The following TNFAIP8 variants were observed in gnomAD, a reference collection of about 807,000 sequenced individuals.
TNFAIP8 encodes TNF alpha induced protein 8.
In TNFAIP8, 7 loss-of-function variants were observed where a neutral mutation model predicts 13.3. The observed-to-expected ratio is 0.52, with a 90% confidence interval of 0.30 to 0.99. The LOEUF is 0.99. Ranked by LOEUF, TNFAIP8 falls within the 50% of genes least tolerant of loss-of-function variation. The pLI, the probability that TNFAIP8 is intolerant of heterozygous loss-of-function variation, is 0.07. For synonymous variants in TNFAIP8, 94 were observed against 87.6 expected (o/e 1.07, Z -0.41); for missense variants, 258 against 236.9 (o/e 1.09, Z -0.58).
chr5:119,325,384 C>T (rs1434617321), intron 1 of TNFAIP8, among the ~76,000 whole-genome samples: 2 of 152,202 alleles, frequency 1.3e-5, no homozygotes, highest in Non-Finnish European at 2.9e-5. Context: ...CCTATATGGT[C>T]TACATATTCT....
intron 1 of TNFAIP8, among the ~76,000 whole-genome samples, chr5:119,382,791 C>T (rs555134114): frequency 6.6e-6 from 1 of 152,340 alleles, no homozygotes; most frequent in East Asian, 1.9e-4. Context: ...TTGCAATTAC[C>T]ATAATGCCTG....
intron 1 of TNFAIP8, among the ~76,000 whole-genome samples, chr5:119,339,148 T>C (rs1750653717): frequency 6.6e-6 from 1 of 152,202 alleles, no homozygotes; most frequent in Admixed American, 6.5e-5. Flanking sequence ...ATTCTAGACT[T>C]CATATCCACC....
chr5:119,380,456 G>A (rs1262065896), intron 1 of TNFAIP8, among the ~76,000 whole-genome samples: 1 of 152,182 alleles, frequency 6.6e-6, no homozygotes, highest in East Asian at 1.9e-4. Flanking sequence ...AGAATTTAGG[G>A]ATGGAAAAGT....
intron 1 of TNFAIP8, among the ~76,000 whole-genome samples, chr5:119,338,401 C>A (rs185305521): frequency 6.6e-6 from 1 of 152,190 alleles, no homozygotes; most frequent in Non-Finnish European, 1.5e-5. Flanking sequence ...TTACAGACCC[C>A]CTACCCCATC....
intron 1 of TNFAIP8, among the ~76,000 whole-genome samples, chr5:119,274,698 C>G (rs534411115): frequency 4.6e-5 from 7 of 152,230 alleles, no homozygotes; most frequent in Non-Finnish European, 7.3e-5. Context: ...CAAGGATTCC[C>G]TGCCCTGTGT....
intron 1 of TNFAIP8, among the ~76,000 whole-genome samples, chr5:119,289,344 T>G (rs547111264): frequency 2.0e-5 from 3 of 152,268 alleles, no homozygotes; most frequent in Middle Eastern, 3.4e-3. Flanking sequence ...AAGAGAGGCA[T>G]TCGGTCTTAC....
chr5:119,298,069 G>C (rs547780521), intron 1 of TNFAIP8, among the ~76,000 whole-genome samples: 9 of 152,154 alleles, frequency 5.9e-5, no homozygotes, highest in Non-Finnish European at 1.2e-4. Context: ...CAATTTGCCA[G>C]TCTGTGTCTT....
At chr5:119,369,055 CTTTT>C (rs61101551) in intron 1 of TNFAIP8, among the ~76,000 whole-genome samples, 2 of 105,010 alleles carry the variant, frequency 1.9e-5, no homozygotes, top group Non-Finnish European at 1.8e-5. Flanking sequence ...CTTTTCTTTT[CTTTT>C]TTTTTTTTTT....
intron 1 of TNFAIP8, among the ~76,000 whole-genome samples, chr5:119,324,210 G>A (rs578192792): frequency 6.9e-6 from 1 of 145,174 alleles, no homozygotes; most frequent in African/African-American, 2.6e-5. Context: ...AGGAGGTGGA[G>A]GCTGCAGTGA....
At chr5:119,290,008 A>G (rs1748932089) in intron 1 of TNFAIP8, among the ~76,000 whole-genome samples, 1 of 152,248 alleles carries the variant, frequency 6.6e-6, no homozygotes, top group African/African-American at 2.4e-5. Context: ...CATTCAGTCA[A>G]CTAATGATTA....
intron 1 of TNFAIP8, among the ~76,000 whole-genome samples, chr5:119,336,938 C>CT (rs951411304): frequency 6.6e-6 from 1 of 152,154 alleles, no homozygotes; most frequent in African/African-American, 2.4e-5. Context: ...AAGCTCAAGC[C>CT]TTTTTTTCCC....
intron 1 of TNFAIP8, among the ~76,000 whole-genome samples, chr5:119,388,276 A>G (rs1189880423): frequency 6.6e-6 from 1 of 152,256 alleles, no homozygotes; most frequent in Non-Finnish European, 1.5e-5. Context: ...CTTAGAGGGA[A>G]GAAAAACCAC....
At chr5:119,301,124 C>G (rs868617574) in intron 1 of TNFAIP8, among the ~76,000 whole-genome samples, 5 of 152,222 alleles carry the variant, frequency 3.3e-5, no homozygotes, top group African/African-American at 1.2e-4. Flanking sequence ...ACTTGCCACC[C>G]AGTTGCATTA....
chr5:119,296,358 G>A (rs1749175274), intron 1 of TNFAIP8, among the ~76,000 whole-genome samples: 1 of 151,822 alleles, frequency 6.6e-6, no homozygotes, highest in Non-Finnish European at 1.5e-5. Flanking sequence ...TTTGTCAAAG[G>A]CCTTTTCTGC....
At chr5:119,363,039 A>G (rs966334036) in intron 1 of TNFAIP8, among the ~76,000 whole-genome samples, 4 of 151,936 alleles carry the variant, frequency 2.6e-5, no homozygotes, top group Admixed American at 2.6e-4. Context: ...TGGGCCATGG[A>G]TTTAGCTTCT....
chr5:119,295,229 AGACCTATAGGTCTAACGTTTAGTCTAACG>A, intron 1 of TNFAIP8, among the ~76,000 whole-genome samples: 1 of 53,318 alleles, frequency 1.9e-5, no homozygotes, highest in South Asian at 4.3e-4. Context: ...GTCTAACGTT[AGACCTATAGGTCTAACGTTTAGTCTAACG>A]TTAGACCTAT....
chr5:119,280,624 G>A (rs1748599606), intron 1 of TNFAIP8, among the ~76,000 whole-genome samples: 1 of 152,144 alleles, frequency 6.6e-6, no homozygotes, highest in Non-Finnish European at 1.5e-5. Context: ...ATGGGGTCTG[G>A]TTTTTCCACT....
At chr5:119,347,344 A>G (rs537731991) in intron 1 of TNFAIP8, among the ~76,000 whole-genome samples, 6 of 152,340 alleles carry the variant, frequency 3.9e-5, no homozygotes, top group African/African-American at 1.2e-4. Context: ...GGCTGATTAT[A>G]TATCACTGAA....
chr5:119,354,211 A>G (rs915242594), upstream of TNFAIP8: 1 of 152,154 alleles, frequency 6.6e-6, no homozygotes, highest in Non-Finnish European at 1.5e-5. Flanking sequence ...GGCAGAGGGG[A>G]CCATGAAGTT....
Sources: allele counts gnomAD v4.1 joint callset (sites outside exome capture counted in the v4.1 genomes callset), GRCh38; gene constraint gnomAD v4.1.1; transcripts MANE v1.5; gene names NCBI Gene and HGNC (gene_info 2026-07-23, HGNC 2026-07-21).